Variants in C12orf42 observed in about 807,000 individuals in gnomAD.
The protein encoded by C12orf42 is uncharacterized protein C12orf42.
Under a neutral mutation model 21.6 loss-of-function variants are expected in C12orf42, and 25 were observed. The ratio of observed to expected loss-of-function variants is 1.16; its 90% confidence interval spans 0.84 to 1.62. The LOEUF (loss-of-function observed/expected upper bound fraction) is 1.62. Among genes scored for constraint, C12orf42 ranks in the 40% most tolerant of loss-of-function variants. The pLI is 0.00. For missense variants in C12orf42, 483 were observed against 459.3 expected, an observed-to-expected ratio of 1.05 and a Z score of -0.47; for synonymous variants, 174 against 175.0, an observed-to-expected ratio of 0.99 and a Z score of 0.05.
the C12orf42 span, among the ~76,000 whole-genome samples, chr12:103,075,476 A>G: frequency 6.6e-6 from 1 of 152,352 alleles, no homozygotes; most frequent in Admixed American, 6.5e-5. Flanking sequence ...TTTTACTGTC[A>G]GGATCATAGC....
At chr12:103,475,207 G>A (rs755473723) in intron 2 of C12orf42, among the ~76,000 whole-genome samples, 7 of 152,158 alleles carry the variant, frequency 4.6e-5, no homozygotes, top group African/African-American at 9.7e-5. Flanking sequence ...CTTTTGCCGC[G>A]GCTTCCTCTG....
At chr12:103,496,245 TTCTGGAGGTA>T (rs990113523), upstream of C12orf42, among the ~76,000 whole-genome samples, 1 of 152,168 alleles carries the variant, frequency 6.6e-6, no homozygotes, top group Non-Finnish European at 1.5e-5. Flanking sequence ...GAGGGGGTAC[TTCTGGAGGTA>T]GTAATCCCCA....
intron 4 of C12orf42, among the ~76,000 whole-genome samples, chr12:103,343,810 C>T (rs1315066033): frequency 6.7e-6 from 1 of 149,052 alleles, no homozygotes; most frequent in African/African-American, 2.5e-5. Flanking sequence ...AAAAAGAAAA[C>T]ATTTCCTGAC....
At chr12:103,520,417 A>G in the C12orf42 span, among the ~76,000 whole-genome samples, 1 of 152,144 alleles carries the variant, frequency 6.6e-6, no homozygotes, top group African/African-American at 2.4e-5. Context: ...AGTCAAGTGC[A>G]GTGGCTCATG....
At position 103,320,025 on chromosome 12, in the gene C12orf42, G is replaced by A. The variant is rs117646183; in HGVS notation, c.260-13680C>T. 3.3e-3 allele frequency among the ~76,000 whole-genome samples: 501 copies of A among 152,240 alleles called. 2 individuals carry two copies. The highest frequency in any genetic ancestry group is 0.014 in the South Asian group (67 of 4,814). On this transcript the variant is annotated intron_variant, in intron 4 of 5. Coordinates refer to ENST00000548883, the MANE Select transcript of C12orf42 (RefSeq NM_198521.5). ...CATGTGGCCTTGTGCAAAGGTCACC[G>A]GTATGGCACATCCATCATATTTCAC...
At chr12:103,355,089 T>C (rs531029277) in intron 4 of C12orf42, among the ~76,000 whole-genome samples, 1 of 152,268 alleles carries the variant, frequency 6.6e-6, no homozygotes, top group South Asian at 2.1e-4. Context: ...TGTTGAACTG[T>C]ATCATAGAAC....
chr12:103,214,141 T>G, the C12orf42 span, among the ~76,000 whole-genome samples: 1 of 152,182 alleles, frequency 6.6e-6, no homozygotes, highest in African/African-American at 2.4e-5. Flanking sequence ...CTTGTTCCCA[T>G]CAAGTTTGAA....
At chr12:103,168,108 C>T in the C12orf42 span, 1 of 455,686 alleles carries the variant, frequency 2.2e-6, no homozygotes, top group East Asian at 6.9e-5. Context: ...CAATGGAAGT[C>T]TTTAAACATA....
chr12:103,220,261 G>A, the C12orf42 span, among the ~76,000 whole-genome samples: 1 of 152,182 alleles, frequency 6.6e-6, no homozygotes, highest in South Asian at 2.1e-4. Context: ...GGCCTCTCAG[G>A]GGGTGGGATA....
intron 1 of C12orf42, among the ~76,000 whole-genome samples, chr12:103,481,007 T>G (rs1954430889): frequency 6.7e-6 from 1 of 149,798 alleles, no homozygotes; most frequent in African/African-American, 2.4e-5. Flanking sequence ...TATTGGGTCT[T>G]TCTATTTTTT....
the C12orf42 span, among the ~76,000 whole-genome samples, chr12:103,520,804 A>T: frequency 6.6e-6 from 1 of 152,180 alleles, no homozygotes; most frequent in Non-Finnish European, 1.5e-5. Context: ...CAGTCCAGAC[A>T]CTCATCTGTC....
the C12orf42 span, among the ~76,000 whole-genome samples, chr12:103,160,686 A>G: frequency 6.6e-6 from 1 of 152,190 alleles, no homozygotes; most frequent in Non-Finnish European, 1.5e-5. Flanking sequence ...CCCAGCCCAT[A>G]CTTCCTAAGG....
At chr12:103,504,693 T>C in the C12orf42 span, 1 of 152,664 alleles carries the variant, frequency 6.6e-6, no homozygotes, top group African/African-American at 2.4e-5. Context: ...ACTTGAAGAA[T>C]CAGGGCAAGG....
chr12:103,397,709 G>A (rs1390026538), intron 3 of C12orf42: 1 of 152,166 alleles, frequency 6.6e-6, no homozygotes, highest in African/African-American at 2.4e-5. Context: ...GGTGGAAATT[G>A]TTGAGTCAAA....
intron 5 of C12orf42, 81 bp from the exon 6 acceptor site, chr12:103,302,640 G>A: frequency 8.7e-7 from 1 of 1,156,054 alleles, no homozygotes; most frequent in Non-Finnish European, 1.2e-6. Flanking sequence ...ACAACTGGAC[G>A]TCTGAGAAAT....
Position 103,403,870 on chromosome 12 carries a change from C to T in C12orf42, c.79-2195G>A, listed in dbSNP as rs562532671. 3.9e-5 allele frequency among the ~76,000 whole-genome samples: 6 copies of T among 152,350 alleles called. No homozygotes were observed. The South Asian group carries it at 1.2e-3, about 32-fold the overall frequency. ...CTGAATGCTGTCCCAAACCACCCTG[C>T]TCTGATACATTTTTTATTTCAGTGG... On this transcript the variant is annotated intron_variant, in intron 2 of 5. Coordinates refer to ENST00000548883, the MANE Select transcript of C12orf42 (RefSeq NM_198521.5).
the C12orf42 span, chr12:103,080,816 AAGTT>A: frequency 2.6e-5 from 4 of 152,170 alleles, no homozygotes; most frequent in East Asian, 5.8e-4. Context: ...GTATTTTAGA[AAGTT>A]AGTTCATATA....
At chr12:103,292,131 C>T (rs2036866190) in intron 4 of C12orf42, among the ~76,000 whole-genome samples, 1 of 152,026 alleles carries the variant, frequency 6.6e-6, no homozygotes, top group Non-Finnish European at 1.5e-5. Context: ...ATGGATGAAC[C>T]TTAAAAAGTC....
chr12:103,500,881 A>G (rs1403692814), upstream of C12orf42, among the ~76,000 whole-genome samples: 1 of 152,264 alleles, frequency 6.6e-6, no homozygotes, highest in Non-Finnish European at 1.5e-5. Context: ...CTGTCTTTAA[A>G]AGACAAGAAA....
Sources: gnomAD v4.1 joint callset for allele counts (sites outside exome capture counted in the v4.1 genomes callset) on GRCh38, gnomAD v4.1.1 for gene constraint, MANE v1.5 for transcripts, NCBI Gene and HGNC (gene_info 2026-07-23, HGNC 2026-07-21) for gene names.